Variants in LARGE1 observed in about 807,000 individuals in gnomAD.
LARGE1 encodes LARGE xylosyl- and glucuronyltransferase 1.
LARGE1 carries 43 observed loss-of-function variants against 87.6 expected under a neutral mutation model. The observed-to-expected ratio is 0.49, with a 90% CI of 0.38 to 0.63. The LOEUF (loss-of-function observed/expected upper bound fraction) is 0.63. Among genes scored for constraint, LARGE1 ranks in the 30% least tolerant of loss-of-function variants. LARGE1 has a pLI of 0.00. For missense variants in LARGE1, 802 were observed against 1,000.2 expected (o/e 0.80, Z 2.67); for synonymous variants, 434 against 394.6 (o/e 1.10, Z -1.18).
intron 1 of LARGE1, 22 bp from the exon 2 acceptor site, chr22:33,761,580 A>G: frequency 1.1e-6 from 1 of 883,312 alleles, no homozygotes; most frequent in East Asian, 2.5e-5. Context: ...AGCAAAGAGG[A>G]AGGCCTGAGT....
At chr22:33,884,944 TG>T (rs201202143) in intron 1 of LARGE1, among the ~76,000 whole-genome samples, 26 of 152,222 alleles carry the variant, frequency 1.7e-4, no homozygotes, top group African/African-American at 5.5e-4. Flanking sequence ...AGGCTTTCCA[TG>T]GGGGGGAGGA....
intron 1 of LARGE1, among the ~76,000 whole-genome samples, chr22:33,912,089 T>C (rs1266311638): frequency 6.6e-6 from 1 of 152,208 alleles, no homozygotes; most frequent in Admixed American, 6.5e-5. Context: ...CTTGCCTCTA[T>C]GCCTCCCTTG....
intron 1 of LARGE1, among the ~76,000 whole-genome samples, chr22:33,825,409 T>C (rs1376637457): frequency 7.2e-6 from 1 of 139,714 alleles, no homozygotes; most frequent in African/African-American, 2.8e-5. Context: ...TACCCGAGAC[T>C]GGGTAATTAT....
chr22:33,131,456 C>T, the LARGE1 span, among the ~76,000 whole-genome samples: 2 of 152,162 alleles, frequency 1.3e-5, no homozygotes, highest in Non-Finnish European at 2.9e-5. Flanking sequence ...TGTTCTCACG[C>T]TGCTAATAGA....
chr22:33,763,838 CTTTTTTTTTTTTTTTTTT>C (rs71187279), intron 1 of LARGE1, among the ~76,000 whole-genome samples: 2 of 71,180 alleles, frequency 2.8e-5, no homozygotes, highest in African/African-American at 6.0e-5. Flanking sequence ...AATTAGTTTG[CTTTTTTTTTTTTTTTTTT>C]TTTTTTTTTT....
At chr22:33,593,866 A>C (rs2148931334) in intron 5 of LARGE1, among the ~76,000 whole-genome samples, 1 of 152,322 alleles carries the variant, frequency 6.6e-6, no homozygotes, top group East Asian at 1.9e-4. Flanking sequence ...CACACAGATG[A>C]GTTGCTGTTT....
chr22:33,383,311 G>A (rs1211402943), intron 8 of LARGE1, among the ~76,000 whole-genome samples: 1 of 152,178 alleles, frequency 6.6e-6, no homozygotes, highest in Non-Finnish European at 1.5e-5. Context: ...TGTAATCCCA[G>A]CACTTTGGGA....
intron 11 of LARGE1, among the ~76,000 whole-genome samples, chr22:33,183,144 G>T (rs1375269699): frequency 6.6e-6 from 1 of 151,772 alleles, no homozygotes; most frequent in Admixed American, 6.6e-5. Flanking sequence ...TAGCAGAAAA[G>T]TTAACCCAGT....
chr22:33,890,184 T>C (rs1451011355), intron 1 of LARGE1, among the ~76,000 whole-genome samples: 2 of 152,222 alleles, frequency 1.3e-5, no homozygotes, highest in Admixed American at 1.3e-4. Flanking sequence ...AAGCGCATAA[T>C]TCTGGTGTTC....
At position 33,328,683 on chromosome 22, in the gene LARGE1, C is replaced by T. The variant is rs182163161; in HGVS notation, c.1287+8963G>A. 8.2e-4 allele frequency among the ~76,000 whole-genome samples: 125 copies of T among 151,752 alleles called. 1 individual carries two copies. The highest frequency in any genetic ancestry group is 2.8e-3 in the African/African-American group (114 of 41,376). On this transcript the variant is annotated intron_variant, in intron 10 of 14. Coordinates refer to ENST00000397394, the MANE Select transcript of LARGE1 (RefSeq NM_133642.5). ...AGGGTTAGTGAAAGAGTAAGAAAAC[C>T]GTATCCATATAACAACTAGGAGAAT...
In LARGE1 at chr22:33,274,582, T is replaced by C. The variant is rs748665662; in HGVS notation, c.2116A>G (p.Met706Val). 1.9e-6 allele frequency: 3 copies of C among 1,614,090 alleles called. No individual in the cohort carries two copies. The highest frequency in any genetic ancestry group is 2.5e-6 in the Non-Finnish European group (3 of 1,179,982). Residue 706 changes from methionine (M) to valine (V), a missense_variant, in exon 15 of 15, where the codon ATG (methionine) becomes GTG (valine). Met to Val is a conservative substitution (Grantham distance 21). Coordinates refer to ENST00000397394, the MANE Select transcript of LARGE1 (RefSeq NM_133642.5). The part of the protein sequence containing the change: ...IVLPNAYMIH[M>V]PHAPSFDITK... ...ATGTCGAAGCTGGGGGCATGAGGCA[T>C]GTGGATCATGTAGGCGTTGGGCAGC... is the stretch of plus-strand genomic sequence containing the variant.
chr22:33,241,834 G>A (rs938278738), intron 11 of LARGE1, among the ~76,000 whole-genome samples: 1 of 152,214 alleles, frequency 6.6e-6, no homozygotes, highest in Non-Finnish European at 1.5e-5. Flanking sequence ...TAGGATGATG[G>A]TTACCAAGGG....
At chr22:33,547,532 A>T (rs537267911) in intron 6 of LARGE1, among the ~76,000 whole-genome samples, 1 of 152,184 alleles carries the variant, frequency 6.6e-6, no homozygotes, top group Middle Eastern at 3.4e-3. Context: ...CTCATGGCTC[A>T]CGCCTGTAAT....
At chr22:33,259,160 G>A (rs1245724961) in intron 11 of LARGE1, among the ~76,000 whole-genome samples, 2 of 152,190 alleles carry the variant, frequency 1.3e-5, no homozygotes, top group South Asian at 2.1e-4. Context: ...TTACAGGCAT[G>A]AGCCACTACA....
intron 1 of LARGE1, among the ~76,000 whole-genome samples, chr22:33,810,161 C>G (rs2086448135): frequency 6.6e-6 from 1 of 152,190 alleles, no homozygotes; most frequent in Non-Finnish European, 1.5e-5. Context: ...CCCATTATCT[C>G]ATGGAATATG....
chr22:33,115,849 T>C, the LARGE1 span, among the ~76,000 whole-genome samples: 2 of 145,542 alleles, frequency 1.4e-5, no homozygotes, highest in Non-Finnish European at 3.0e-5. Context: ...ATACCAGGGA[T>C]GCACCTATAG....
intron 7 of LARGE1, among the ~76,000 whole-genome samples, chr22:33,395,508 A>C (rs2065708396): frequency 6.6e-6 from 1 of 152,178 alleles, no homozygotes; most frequent in Non-Finnish European, 1.5e-5. Context: ...AACTCTTTAA[A>C]ACTTTTTTAG....
intron 7 of LARGE1, among the ~76,000 whole-genome samples, chr22:33,423,948 G>A (rs1318744292): frequency 6.6e-6 from 1 of 152,174 alleles, no homozygotes; most frequent in Admixed American, 6.5e-5. Context: ...GGCTACTACA[G>A]AAGTACAGAA....
intron 2 of LARGE1, among the ~76,000 whole-genome samples, chr22:33,706,802 T>C (rs1371659693): frequency 6.6e-6 from 1 of 152,142 alleles, no homozygotes; most frequent in Non-Finnish European, 1.5e-5. Context: ...GCAGGTACAA[T>C]CTCAAATTCT....
Sources: gnomAD v4.1 joint callset for allele counts (sites outside exome capture counted in the v4.1 genomes callset) on GRCh38, gnomAD v4.1.1 for gene constraint, MANE v1.5 for transcripts, NCBI Gene and HGNC (gene_info 2026-07-23, HGNC 2026-07-21) for gene names.